NFIA: variants seen among roughly 807,000 people sequenced by gnomAD.
NFIA encodes the protein nuclear factor I A, also known as nuclear factor 1 A-type.
Under a neutral mutation model 62.8 loss-of-function variants are expected in NFIA, and 8 were observed. That is an observed-to-expected ratio of 0.13 (90% confidence interval 0.07 to 0.23). The LOEUF (loss-of-function observed/expected upper bound fraction) is 0.23, where lower values mean the gene tolerates loss of function less well. Ranked by LOEUF, NFIA falls within the 10% of genes least tolerant of loss-of-function variation. NFIA has a pLI of 1.00. For missense variants in NFIA, 410 were observed against 642.1 expected (o/e 0.64, Z 3.91); for synonymous variants, 235 against 238.1 (o/e 0.99, Z 0.12).
chr1:61,343,793 T>C (rs926114093), intron 4 of NFIA, among the ~76,000 whole-genome samples: 31 of 152,286 alleles, frequency 2.0e-4, no homozygotes, highest in African/African-American at 7.5e-4. Flanking sequence ...AGAAAGTACC[T>C]TTATGATTGA....
At chr1:61,161,576 C>T (rs1379859308) in intron 2 of NFIA, among the ~76,000 whole-genome samples, 11 of 125,772 alleles carry the variant, frequency 8.7e-5, no homozygotes, top group Admixed American at 7.4e-4. Context: ...TCTAGACATG[C>T]GCCATGTGCA....
chr1:61,213,918 C>T (rs1039524152), intron 2 of NFIA, among the ~76,000 whole-genome samples: 8 of 151,972 alleles, frequency 5.3e-5, no homozygotes, highest in Non-Finnish European at 1.0e-4. Context: ...TGTGTTGGCT[C>T]GTGGTTGTAC....
At chr1:61,233,402 G>A (rs538931252) in intron 2 of NFIA, among the ~76,000 whole-genome samples, 1 of 152,302 alleles carries the variant, frequency 6.6e-6, no homozygotes, top group South Asian at 2.1e-4. Context: ...TAGGTGACGG[G>A]AGAAAGTTCC....
At chr1:61,277,044 C>G (rs1462038667) in intron 2 of NFIA, among the ~76,000 whole-genome samples, 1 of 152,196 alleles carries the variant, frequency 6.6e-6, no homozygotes, top group East Asian at 1.9e-4. Context: ...TAGTCTGTTG[C>G]TGGAATGCAG....
chr1:61,237,496 C>G (rs904896754), intron 2 of NFIA, among the ~76,000 whole-genome samples: 1 of 152,138 alleles, frequency 6.6e-6, no homozygotes, highest in African/African-American at 2.4e-5. Flanking sequence ...AACTGAAATT[C>G]AGAAAACAAA....
intron 2 of NFIA, among the ~76,000 whole-genome samples, chr1:61,256,897 C>T (rs1338792731): frequency 6.6e-6 from 1 of 151,970 alleles, no homozygotes; most frequent in Admixed American, 6.6e-5. Flanking sequence ...CAGCCTGGGA[C>T]GAGAACTTCA....
At chr1:61,257,430 C>T (rs909758114) in intron 2 of NFIA, among the ~76,000 whole-genome samples, 2 of 148,224 alleles carry the variant, frequency 1.3e-5, no homozygotes, top group East Asian at 2.0e-4. Context: ...CTCTGCCTCC[C>T]GGATTCAAGC....
At chr1:61,424,275 A>G (rs1357404908) in intron 9 of NFIA, among the ~76,000 whole-genome samples, 2 of 152,178 alleles carry the variant, frequency 1.3e-5, no homozygotes, top group African/African-American at 4.8e-5. Flanking sequence ...GTGATGGGAT[A>G]TAATATAAAT....
chr1:61,126,775 T>TG (rs1553153131), intron 2 of NFIA, among the ~76,000 whole-genome samples: 2 of 99,814 alleles, frequency 2.0e-5, no homozygotes, highest in Admixed American at 1.4e-4. Context: ...ATTGTCAGAT[T>TG]CCTTTTTTTT....
At chr1:61,334,114 A>G (rs916544893) in intron 4 of NFIA, among the ~76,000 whole-genome samples, 1 of 152,218 alleles carries the variant, frequency 6.6e-6, no homozygotes, top group African/African-American at 2.4e-5. Flanking sequence ...GATCTATAGC[A>G]TGAGACTAGA....
At chr1:61,275,536 A>G (rs1275397597) in intron 2 of NFIA, among the ~76,000 whole-genome samples, 4 of 152,202 alleles carry the variant, frequency 2.6e-5, no homozygotes, top group Non-Finnish European at 5.9e-5. Flanking sequence ...AATTATAAAG[A>G]TATTACACAT....
rs3767302 is a variant in NFIA, at chr1:61,088,129, C to G, written c.28-20C>G. ...TTGTTTTCATTCTACTTATATTTTT[C>G]TTTTTGTTCATTTTCCTAGGATGAA... On this transcript the variant is annotated intron_variant, in intron 1 of 10. Coordinates refer to ENST00000403491, the MANE Select transcript of NFIA (RefSeq NM_001134673.4). The surrounding 1 kb of genome is among the most constrained non-coding windows in gnomAD (Gnocchi z 4.5). 205,353 of 1,563,076 alleles carry G rather than the reference C, an allele frequency of 0.13. 17,731 individuals carry two copies. The highest frequency in any genetic ancestry group is 0.46 in the East Asian group (20,429 of 44,354).
At chr1:61,444,065 T>A (rs1205928630) in intron 10 of NFIA, among the ~76,000 whole-genome samples, 3 of 152,198 alleles carry the variant, frequency 2.0e-5, no homozygotes, top group Non-Finnish European at 4.4e-5. Context: ...TTTCTCTTCA[T>A]AACTTAATCT....
chr1:61,444,498 AG>A (rs1667721479), intron 10 of NFIA, among the ~76,000 whole-genome samples: 1 of 152,226 alleles, frequency 6.6e-6, no homozygotes, highest in Non-Finnish European at 1.5e-5. Flanking sequence ...CATGTAAATG[AG>A]GCTCCGTTAT....
intron 6 of NFIA, among the ~76,000 whole-genome samples, chr1:61,363,027 C>T (rs1569618611): frequency 6.6e-6 from 1 of 152,172 alleles, no homozygotes; most frequent in Non-Finnish European, 1.5e-5. Flanking sequence ...ATTCTAGTTA[C>T]AATTGAGTAC....
At chr1:61,153,191 G>A (rs982185075) in intron 2 of NFIA, among the ~76,000 whole-genome samples, 5 of 152,204 alleles carry the variant, frequency 3.3e-5, no homozygotes, top group African/African-American at 1.2e-4. Context: ...CACTTGAATT[G>A]GAATGTCTTT....
At chr1:61,122,148 C>T (rs1404398921) in intron 2 of NFIA, among the ~76,000 whole-genome samples, 1 of 151,610 alleles carries the variant, frequency 6.6e-6, no homozygotes, top group Non-Finnish European at 1.5e-5. Flanking sequence ...TCATTTTACC[C>T]ATCATGTATT....
intron 2 of NFIA, among the ~76,000 whole-genome samples, chr1:61,254,586 G>A (rs1656257758): frequency 6.6e-6 from 1 of 152,178 alleles, no homozygotes; most frequent in Non-Finnish European, 1.5e-5. Context: ...AAAAAAAATA[G>A]TAGTTATACA....
upstream of NFIA, among the ~76,000 whole-genome samples, chr1:61,078,067 C>T (rs1646054257): frequency 1.3e-5 from 2 of 152,152 alleles, no homozygotes; most frequent in East Asian, 1.9e-4. Flanking sequence ...AATGGGACAA[C>T]TTGGGAGATT....
Sources: allele counts gnomAD v4.1 joint callset (sites outside exome capture counted in the v4.1 genomes callset), GRCh38; gene constraint gnomAD v4.1.1; non-coding constraint Gnocchi (gnomAD v3.1); transcripts MANE v1.5; gene names NCBI Gene and HGNC (gene_info 2026-07-23, HGNC 2026-07-21).